TRMT11: variants seen among roughly 807,000 people sequenced by gnomAD.
TRMT11 encodes tRNA methyltransferase 11.
A neutral mutation model predicts 62.8 loss-of-function variants in TRMT11; 53 were observed. The ratio of observed to expected loss-of-function variants is 0.84; its 90% confidence interval spans 0.68 to 1.06. The LOEUF (loss-of-function observed/expected upper bound fraction) is 1.06, where lower values mean the gene tolerates loss of function less well. Among genes scored for constraint, TRMT11 ranks in the 50% least tolerant of loss-of-function variants. The pLI, the probability that TRMT11 is intolerant of heterozygous loss-of-function variation, is 0.00. For missense variants in TRMT11, 556 were observed against 553.4 expected, an observed-to-expected ratio of 1.00 and a Z score of -0.05; for synonymous variants, 188 against 190.3, an observed-to-expected ratio of 0.99 and a Z score of 0.10.
At chr6:126,080,937 A>G (rs1269799578) in intron 17 of TRMT11, among the ~76,000 whole-genome samples, 1 of 152,234 alleles carries the variant, frequency 6.6e-6, no homozygotes, top group African/African-American at 2.4e-5. Context: ...AGAAGGATAA[A>G]GTGGAAGCCT....
chr6:126,115,518 T>C (rs1465857145), intron 20 of TRMT11, among the ~76,000 whole-genome samples: 10 of 152,154 alleles, frequency 6.6e-5, no homozygotes, highest in African/African-American at 1.2e-4. Context: ...CCTCAAAATA[T>C]GTTCATTTCT....
Position 125,993,826 on chromosome 6 carries a change from A to G in TRMT11, c.138+4A>G, listed in dbSNP as rs1425220451. The G allele has an allele frequency of 3.1e-6, 5 of 1,599,942 alleles. No homozygotes were observed. In the Admixed American group the frequency reaches 6.7e-5, roughly 21 times the overall value. On this transcript the variant is annotated splice_donor_region_variant and intron_variant, in intron 2 of 12. Transcript: ENST00000334379. ...CAGTCAAGAAACTTATGGAAAGGTA[A>G]GTTAAATTTTCATTAGACCATATGG...
intron 17 of TRMT11, among the ~76,000 whole-genome samples, chr6:126,055,230 G>T (rs1447989582): frequency 1.3e-5 from 2 of 152,140 alleles, no homozygotes; most frequent in South Asian, 2.1e-4. Flanking sequence ...CTCCCAAAGT[G>T]CTATGATTAC....
downstream of TRMT11, among the ~76,000 whole-genome samples, chr6:126,205,253 C>T (rs1030139504): frequency 6.6e-6 from 1 of 152,106 alleles, no homozygotes; most frequent in Non-Finnish European, 1.5e-5. Flanking sequence ...GCCTGTAATC[C>T]CAGCACTTTG....
intron 17 of TRMT11, among the ~76,000 whole-genome samples, chr6:126,078,496 G>A (rs904593013): frequency 6.6e-6 from 1 of 150,574 alleles, no homozygotes; most frequent in Non-Finnish European, 1.5e-5. Flanking sequence ...TTCCCATGAT[G>A]TGAAGAGGTT....
At chr6:126,241,461 T>C in the TRMT11 span, among the ~76,000 whole-genome samples, 2 of 152,196 alleles carry the variant, frequency 1.3e-5, no homozygotes, top group African/African-American at 4.8e-5. Flanking sequence ...AGCATCATCC[T>C]GATACCAAAG....
intron 16 of TRMT11, among the ~76,000 whole-genome samples, chr6:126,049,798 A>C (rs1367752063): frequency 6.6e-6 from 1 of 152,254 alleles, no homozygotes; most frequent in Non-Finnish European, 1.5e-5. Context: ...GAACATTACA[A>C]ATTTTTTAAA....
chr6:126,132,549 C>G (rs1262144214), intron 21 of TRMT11, among the ~76,000 whole-genome samples: 2 of 151,992 alleles, frequency 1.3e-5, no homozygotes, highest in Non-Finnish European at 2.9e-5. Flanking sequence ...TGCAGTCATA[C>G]TGTCTAATGA....
intron 12 of TRMT11, among the ~76,000 whole-genome samples, chr6:126,025,702 C>G (rs1772932625): frequency 6.6e-6 from 1 of 152,138 alleles, no homozygotes; most frequent in African/African-American, 2.4e-5. Flanking sequence ...TCCTCACACA[C>G]CTCTAACAAA....
chr6:125,989,106 T>C (rs2128727283), intron 1 of TRMT11, among the ~76,000 whole-genome samples: 1 of 151,734 alleles, frequency 6.6e-6, no homozygotes, highest in South Asian at 2.1e-4. Context: ...TTTGACACCA[T>C]TCTAAGGAGT....
chr6:126,092,523 C>T (rs968433013), intron 17 of TRMT11, among the ~76,000 whole-genome samples: 19 of 152,180 alleles, frequency 1.2e-4, no homozygotes, highest in Admixed American at 1.3e-4. Context: ...TCCCACAACA[C>T]GTGGGAATTA....
downstream of TRMT11, among the ~76,000 whole-genome samples, chr6:126,207,886 GAC>G (rs1778804910): frequency 6.6e-6 from 1 of 152,092 alleles, no homozygotes; most frequent in Admixed American, 6.5e-5. Flanking sequence ...TAAAACTAAA[GAC>G]ATTGATTAAA....
At chr6:126,121,066 A>G (rs970990108) in intron 21 of TRMT11, among the ~76,000 whole-genome samples, 20 of 152,162 alleles carry the variant, frequency 1.3e-4, no homozygotes, top group South Asian at 4.1e-4. Flanking sequence ...ATTGCCCCCA[A>G]TTGGTGTGAT....
At chr6:126,182,271 G>A (rs1018545803) in intron 1 of TRMT11, among the ~76,000 whole-genome samples, 7 of 152,084 alleles carry the variant, frequency 4.6e-5, no homozygotes, top group East Asian at 1.9e-4. Flanking sequence ...AGGAGGTACC[G>A]ATGGGGGATC....
intron 11 of TRMT11, 24 bp downstream of exon 11, chr6:126,013,125 T>A (rs1261457210): frequency 6.3e-7 from 1 of 1,582,464 alleles, no homozygotes; most frequent in East Asian, 2.2e-5. Flanking sequence ...ATTTTATTTT[T>A]AATTTCATTT....
chr6:126,106,319 AT>A (rs1416697797), intron 17 of TRMT11, among the ~76,000 whole-genome samples: 1 of 151,838 alleles, frequency 6.6e-6, no homozygotes, highest in Non-Finnish European at 1.5e-5. Context: ...AATATTTTGT[AT>A]TTTTAGTAGA....
intron 11 of TRMT11, among the ~76,000 whole-genome samples, chr6:126,013,895 T>A (rs893278745): frequency 7.9e-5 from 12 of 152,198 alleles, no homozygotes; most frequent in Non-Finnish European, 1.6e-4. Context: ...AGATGTAATT[T>A]TCAACAGCTT....
chr6:126,047,174 T>A (rs986968999), intron 16 of TRMT11, among the ~76,000 whole-genome samples: 1 of 151,866 alleles, frequency 6.6e-6, no homozygotes, highest in African/African-American at 2.4e-5. Flanking sequence ...GGCAGCGCCC[T>A]GACAAAGGCC....
At chr6:126,153,661 T>C (rs1778084206) in intron 21 of TRMT11, among the ~76,000 whole-genome samples, 1 of 152,252 alleles carries the variant, frequency 6.6e-6, no homozygotes, top group Admixed American at 6.5e-5. Flanking sequence ...CAAGGGCAGA[T>C]TGATTTGTTT....
Sources: allele counts gnomAD v4.1 joint callset (sites outside exome capture counted in the v4.1 genomes callset), GRCh38; gene constraint gnomAD v4.1.1; transcripts MANE v1.5; gene names NCBI Gene and HGNC (gene_info 2026-07-23, HGNC 2026-07-21).